The following PEAK1 variants were observed in gnomAD, a reference collection of about 807,000 sequenced individuals.
PEAK1 encodes pseudopodium enriched atypical kinase 1.
A neutral mutation model predicts 124.7 loss-of-function variants in PEAK1; 54 were observed. The ratio of observed to expected loss-of-function variants is 0.43; its 90% CI spans 0.35 to 0.54. The LOEUF is 0.54. Ranked by LOEUF, PEAK1 falls within the 20% of genes least tolerant of loss-of-function variation. The probability of loss-of-function intolerance (pLI) is 0.01; values close to 1 mark genes in which losing one functional copy is unlikely to be tolerated. For synonymous variants in PEAK1, 719 were observed against 760.0 expected, an observed-to-expected ratio of 0.95 and a Z score of 0.89; for missense variants, 2,046 against 2,134.5, an observed-to-expected ratio of 0.96 and a Z score of 0.82.
At chr15:77,197,513 TGATA>T (rs923049805) in intron 6 of PEAK1, among the ~76,000 whole-genome samples, 9 of 152,228 alleles carry the variant, frequency 5.9e-5, no homozygotes, top group Non-Finnish European at 1.0e-4. Flanking sequence ...TAATAATTTT[TGATA>T]GATTTCTGTT....
intron 6 of PEAK1, among the ~76,000 whole-genome samples, chr15:77,240,292 T>A (rs551708145): frequency 2.3e-4 from 35 of 152,308 alleles, no homozygotes; most frequent in Middle Eastern, 6.8e-3. Context: ...TATTTCAACA[T>A]TAGAGAAAAA....
intron 2 of PEAK1, among the ~76,000 whole-genome samples, chr15:77,317,257 A>G (rs984846317): frequency 6.6e-6 from 1 of 152,172 alleles, no homozygotes; most frequent in Non-Finnish European, 1.5e-5. Flanking sequence ...AATATCTGTC[A>G]TGTTTCAATT....
intron 2 of PEAK1, chr15:77,351,696 A>G (rs1050089015): frequency 9.3e-6 from 9 of 968,938 alleles, no homozygotes; most frequent in Non-Finnish European, 9.8e-6. Context: ...TCTTTGTTCA[A>G]GGTGCCAAGA....
intron 1 of PEAK1, among the ~76,000 whole-genome samples, chr15:77,385,756 T>C (rs2141862535): frequency 6.6e-6 from 1 of 152,342 alleles, no homozygotes; most frequent in East Asian, 1.9e-4. Flanking sequence ...CATCATTTTA[T>C]CATGGTGATT....
At chr15:77,279,973 G>A (rs903532787) in intron 5 of PEAK1, among the ~76,000 whole-genome samples, 1 of 152,082 alleles carries the variant, frequency 6.6e-6, no homozygotes, top group African/African-American at 2.4e-5. Flanking sequence ...TAGGGTGATG[G>A]GACTGTTTGT....
chr15:77,258,113 C>T (rs1196028633), intron 5 of PEAK1, among the ~76,000 whole-genome samples: 1 of 152,124 alleles, frequency 6.6e-6, no homozygotes, highest in African/African-American at 2.4e-5. Context: ...CAGTACCATG[C>T]TGTTTTGGTT....
At chr15:77,418,640 G>T (rs1293643533) in intron 1 of PEAK1, 3 of 985,312 alleles carry the variant, frequency 3.0e-6, no homozygotes, top group Non-Finnish European at 3.6e-6. Flanking sequence ...AGTAATTAGG[G>T]TCGTCAGTGA....
intron 2 of PEAK1, among the ~76,000 whole-genome samples, chr15:77,329,886 GA>G (rs1269455498): frequency 1.3e-5 from 2 of 151,976 alleles, no homozygotes; most frequent in Admixed American, 6.5e-5. Flanking sequence ...TGTAGTGGGG[GA>G]AAAAAGTGTA....
chr15:77,250,533 C>T (rs1483678643), intron 6 of PEAK1, among the ~76,000 whole-genome samples: 3 of 151,484 alleles, frequency 2.0e-5, no homozygotes, highest in African/African-American at 4.9e-5. Flanking sequence ...TCTGGGTTCA[C>T]GCCACTCTCC....
At chr15:77,188,626 T>C (rs1450354936) in intron 6 of PEAK1, among the ~76,000 whole-genome samples, 1 of 152,096 alleles carries the variant, frequency 6.6e-6, no homozygotes, top group African/African-American at 2.4e-5. Context: ...TTTCTTCTGC[T>C]TGGAATGTAT....
intron 2 of PEAK1, among the ~76,000 whole-genome samples, chr15:77,301,844 A>T (rs1463138391): frequency 6.6e-6 from 1 of 152,176 alleles, no homozygotes; most frequent in Non-Finnish European, 1.5e-5. Context: ...ATTCTTTTGC[A>T]TGGGAGATTT....
At position 77,109,745 on chromosome 15, in the gene PEAK1, C is replaced by T. The variant is rs1448499002; in HGVS notation, c.*4411G>A. ...TTTGTGGGCAGCCATCCTGTTCACT[C>T]ATTAGGCTGGAGCGGAATTTTCAAT... On this transcript the variant is annotated 3_prime_UTR_variant, in exon 10 of 10. Transcript: ENST00000682557. 1 of 152,178 alleles carries T rather than the reference C, an allele frequency of 6.6e-6. No homozygotes were observed. The highest frequency in any genetic ancestry group is 1.9e-4 in the East Asian group (1 of 5,200). 9.4% of individuals were successfully genotyped at this position (152,178 alleles called of 1,614,324 possible).
intron 1 of PEAK1, among the ~76,000 whole-genome samples, chr15:77,395,679 A>G (rs1195412527): frequency 6.6e-6 from 1 of 152,206 alleles, no homozygotes; most frequent in East Asian, 1.9e-4. Context: ...TAAGGAAAAA[A>G]AAACCTTTAT....
intron 6 of PEAK1, among the ~76,000 whole-genome samples, chr15:77,233,329 ATT>A (rs1567146091): frequency 6.6e-6 from 1 of 152,134 alleles, no homozygotes; most frequent in Non-Finnish European, 1.5e-5. Flanking sequence ...CAAAGACTGT[ATT>A]TCCCCTAAGA....
At chr15:77,335,292 TC>T in intron 2 of PEAK1, 1 of 985,440 alleles carries the variant, frequency 1.0e-6, no homozygotes, top group Non-Finnish European at 1.2e-6. Flanking sequence ...CAAAGATTAT[TC>T]TGGGTTTTCT....
intron 7 of PEAK1, among the ~76,000 whole-genome samples, chr15:77,162,917 A>AT (rs1429793078): frequency 6.6e-6 from 1 of 152,066 alleles, no homozygotes; most frequent in Non-Finnish European, 1.5e-5. Context: ...AGTGTATCTA[A>AT]TTTTTTTTCA....
intron 1 of PEAK1, among the ~76,000 whole-genome samples, chr15:77,387,084 A>T (rs368378723): frequency 7.2e-5 from 11 of 152,220 alleles, no homozygotes; most frequent in African/African-American, 2.7e-4. Context: ...CTGTGTTCTC[A>T]ACATAGAATA....
chr15:77,154,342 A>C (rs1163980943), intron 8 of PEAK1, among the ~76,000 whole-genome samples: 1 of 151,940 alleles, frequency 6.6e-6, no homozygotes, highest in African/African-American at 2.4e-5. Context: ...TGCTTGGTAG[A>C]TCTTCCTCCA....
At chr15:77,176,401 C>A (rs2056881260) in intron 7 of PEAK1, among the ~76,000 whole-genome samples, 1 of 151,620 alleles carries the variant, frequency 6.6e-6, no homozygotes, top group African/African-American at 2.4e-5. Context: ...GGTGGTGAGA[C>A]CAGCAGTTCT....
Sources: gnomAD v4.1 joint callset for allele counts (sites outside exome capture counted in the v4.1 genomes callset) on GRCh38, gnomAD v4.1.1 for gene constraint, MANE v1.5 for transcripts, NCBI Gene and HGNC (gene_info 2026-07-23, HGNC 2026-07-21) for gene names.